Variants in GLIS3 observed in about 807,000 individuals in gnomAD.
GLIS3 encodes the protein zinc finger protein GLIS3.
A neutral mutation model predicts 78.6 loss-of-function variants in GLIS3; 53 were observed. The ratio of observed to expected loss-of-function variants is 0.67; its 90% CI spans 0.54 to 0.85. The LOEUF is 0.85. Among genes scored for constraint, GLIS3 ranks in the 40% least tolerant of loss-of-function variants. The probability of loss-of-function intolerance (pLI) is 0.00; values close to 1 mark genes in which losing one functional copy is unlikely to be tolerated. For missense variants in GLIS3, 1,703 were observed against 1,231.1 expected, an observed-to-expected ratio of 1.38 and a Z score of -5.74; for synonymous variants, 684 against 509.9, an observed-to-expected ratio of 1.34 and a Z score of -4.60.
the GLIS3 span, among the ~76,000 whole-genome samples, chr9:4,359,176 C>G: frequency 6.6e-6 from 1 of 152,164 alleles, no homozygotes; most frequent in Non-Finnish European, 1.5e-5. Context: ...ATGTCCCACA[C>G]CCTAAACGTT....
At chr9:4,125,038 T>G (rs1167067410) in intron 3 of GLIS3, among the ~76,000 whole-genome samples, 1 of 152,194 alleles carries the variant, frequency 6.6e-6, no homozygotes, top group African/African-American at 2.4e-5. Context: ...GAGGGGGTGA[T>G]TTCCCTTTTC....
chr9:4,266,894 T>G (rs997489944), intron 2 of GLIS3, among the ~76,000 whole-genome samples: 2 of 152,138 alleles, frequency 1.3e-5, no homozygotes, highest in African/African-American at 4.8e-5. Flanking sequence ...AGAACCTAAT[T>G]TGAAATCCAT....
chr9:4,372,478 C>G, the GLIS3 span, among the ~76,000 whole-genome samples: 1 of 149,736 alleles, frequency 6.7e-6, no homozygotes, highest in Non-Finnish European at 1.5e-5. Flanking sequence ...AGTCCAGAGT[C>G]GATACTTCAA....
intron 4 of GLIS3, among the ~76,000 whole-genome samples, chr9:4,063,332 T>C (rs1826813448): frequency 6.6e-6 from 1 of 152,130 alleles, no homozygotes; most frequent in Non-Finnish European, 1.5e-5. Context: ...TAACAAACCA[T>C]ACTGCAAAGG....
At chr9:4,243,492 G>T (rs1446857525) in intron 2 of GLIS3, among the ~76,000 whole-genome samples, 1 of 152,032 alleles carries the variant, frequency 6.6e-6, no homozygotes, top group Non-Finnish European at 1.5e-5. Flanking sequence ...AATGAGAAAT[G>T]GTTCTAAGCA....
At chr9:4,369,544 T>C in the GLIS3 span, among the ~76,000 whole-genome samples, 18 of 152,302 alleles carry the variant, frequency 1.2e-4, no homozygotes, top group Admixed American at 1.1e-3. Context: ...GGAAGAACAT[T>C]AGCCTGAGAG....
intron 6 of GLIS3, among the ~76,000 whole-genome samples, chr9:3,900,503 CAT>C (rs1563829106): frequency 1.3e-5 from 2 of 151,570 alleles, no homozygotes; most frequent in African/African-American, 4.8e-5. Context: ...AAAATATACA[CAT>C]ATATATATAA....
intron 4 of GLIS3, among the ~76,000 whole-genome samples, chr9:4,105,958 G>T (rs906814925): frequency 6.6e-6 from 1 of 152,132 alleles, no homozygotes; most frequent in African/African-American, 2.4e-5. Context: ...TACAGGGAGG[G>T]ACAACTAGAG....
At chr9:4,394,488 GAAC>G in the GLIS3 span, among the ~76,000 whole-genome samples, 11 of 152,160 alleles carry the variant, frequency 7.2e-5, no homozygotes, top group East Asian at 2.1e-3. Context: ...TGCAGTTCTT[GAAC>G]AACAAGCACG....
chr9:4,380,662 G>A, the GLIS3 span, among the ~76,000 whole-genome samples: 1 of 152,204 alleles, frequency 6.6e-6, no homozygotes, highest in Non-Finnish European at 1.5e-5. Flanking sequence ...GGCTGATTCA[G>A]AGGCAAGTAG....
intron 2 of GLIS3, among the ~76,000 whole-genome samples, chr9:4,318,881 G>A (rs572752720): frequency 1.8e-4 from 27 of 152,338 alleles, no homozygotes; most frequent in African/African-American, 5.5e-4. Context: ...GGAAGTTCCT[G>A]TACAGTGGGT....
Position 3,897,629 on chromosome 9 carries a change from A to C in GLIS3, c.2128+1062T>G, listed in dbSNP as rs544381408. On this transcript the variant is annotated intron_variant, in intron 7 of 10. Transcript: ENST00000381971. The stretch of plus-strand genomic sequence containing the variant: ...CAACAGTAAGTGCTTAAAGCAACTG[A>C]TAAAGGTCCAATGGGCCATGATTAA... Among the ~76,000 whole-genome samples the C allele has an allele frequency of 4.6e-5, 7 of 152,302 alleles. No individual in the cohort carries two copies. In the South Asian group the frequency reaches 1.5e-3, roughly 32 times the overall value.
chr9:4,372,554 TAAA>T, the GLIS3 span, among the ~76,000 whole-genome samples: 13,308 of 137,878 alleles, frequency 0.097, 632 homozygotes, highest in South Asian at 0.13. Context: ...GACCCTCCAA[TAAA>T]AAAAAAAAAA....
the GLIS3 span, among the ~76,000 whole-genome samples, chr9:4,466,023 T>C: frequency 6.6e-6 from 1 of 152,178 alleles, no homozygotes; most frequent in African/African-American, 2.4e-5. Flanking sequence ...GAGCTGGTTC[T>C]TTGATAGAGG....
the GLIS3 span, among the ~76,000 whole-genome samples, chr9:4,455,360 A>C: frequency 2.0e-5 from 3 of 152,186 alleles, no homozygotes; most frequent in Non-Finnish European, 4.4e-5. Context: ...ATTAGTGGAG[A>C]GATTATTAAT....
At chr9:4,407,016 A>G in the GLIS3 span, among the ~76,000 whole-genome samples, 3 of 152,234 alleles carry the variant, frequency 2.0e-5, no homozygotes, top group African/African-American at 4.8e-5. Flanking sequence ...ACAAAACTGG[A>G]AGAATCACAT....
At chr9:4,007,585 A>G (rs1032513839) in intron 4 of GLIS3, among the ~76,000 whole-genome samples, 5 of 152,136 alleles carry the variant, frequency 3.3e-5, no homozygotes, top group Admixed American at 2.6e-4. Flanking sequence ...TTAAGAAAAA[A>G]GCCTAAAGAC....
intron 9 of GLIS3, among the ~76,000 whole-genome samples, chr9:3,853,291 A>G (rs906223854): frequency 6.6e-6 from 1 of 152,254 alleles, no homozygotes; most frequent in Non-Finnish European, 1.5e-5. Flanking sequence ...ACTAAAAAAA[A>G]GAAATGTGGA....
At chr9:4,429,770 A>G in the GLIS3 span, among the ~76,000 whole-genome samples, 1 of 152,154 alleles carries the variant, frequency 6.6e-6, no homozygotes, top group South Asian at 2.1e-4. Context: ...TATGGAATGG[A>G]GAAGTGACGA....
Sources: gnomAD v4.1 joint callset for allele counts (sites outside exome capture counted in the v4.1 genomes callset) on GRCh38, gnomAD v4.1.1 for gene constraint, MANE v1.5 for transcripts, NCBI Gene and HGNC (gene_info 2026-07-23, HGNC 2026-07-21) for gene names.